SNX5: variants seen among roughly 807,000 people sequenced by gnomAD.
The protein encoded by SNX5 is sorting nexin 5, also known as sorting nexin-5.
SNX5 carries 31 observed loss-of-function variants against 53.9 expected under a neutral mutation model. The observed-to-expected ratio is 0.58, with a 90% CI of 0.43 to 0.78. The LOEUF (loss-of-function observed/expected upper bound fraction) is 0.78, where lower values mean the gene tolerates loss of function less well. Among genes scored for constraint, SNX5 ranks in the 30% least tolerant of loss-of-function variants. SNX5 has a pLI of 0.00. For missense variants in SNX5, 471 were observed against 478.8 expected, an observed-to-expected ratio of 0.98 and a Z score of 0.15; for synonymous variants, 168 against 171.1, an observed-to-expected ratio of 0.98 and a Z score of 0.14.
At chr20:17,960,831 C>T (rs749512402) in intron 1 of SNX5, among the ~76,000 whole-genome samples, 30 of 150,888 alleles carry the variant, frequency 2.0e-4, no homozygotes, top group Non-Finnish European at 3.5e-4. Flanking sequence ...CTGAGCAAAA[C>T]GGTGAGACCT....
chr20:17,967,760 G>A, intron 1 of SNX5: 1 of 280,452 alleles, frequency 3.6e-6, no homozygotes, highest in Non-Finnish European at 6.6e-6. Flanking sequence ...AGATACACGT[G>A]ACCTAGGGAC....
chr20:17,967,800 T>C (rs932844623), intron 1 of SNX5: 9 of 349,946 alleles, frequency 2.6e-5, no homozygotes, highest in African/African-American at 1.7e-4. Flanking sequence ...GACTTAAAAA[T>C]AGACACCAAG....
At chr20:17,965,708 C>T (rs1319246612) in intron 1 of SNX5, among the ~76,000 whole-genome samples, 1 of 150,798 alleles carries the variant, frequency 6.6e-6, no homozygotes, top group Non-Finnish European at 1.5e-5. Context: ...CCATTTCTAC[C>T]TATGGCCAAA....
At chr20:17,961,258 G>A (rs189946931) in intron 1 of SNX5, 19 of 985,192 alleles carry the variant, frequency 1.9e-5, no homozygotes, top group South Asian at 1.4e-4. Flanking sequence ...TTTCACTTAC[G>A]ACTCTACCAG....
Position 17,968,493 on chromosome 20 carries a change from CGCCGCCT to C in SNX5, c.-75_-69del. ...AAAGAAGAAGCTGGGCCGCCGCCGC[CGCCGCCT>C]GGGCGCCTCTCGGGGGCGGCCACGG... On this transcript the variant is annotated 5_prime_UTR_variant, in exon 1 of 13. Coordinates refer to ENST00000377759, the MANE Select transcript of SNX5 (RefSeq NM_014426.4). The C allele has an allele frequency of 1.6e-6, 2 of 1,275,632 alleles. No homozygotes were observed. Among genetic ancestry groups the C allele is most frequent in the Middle Eastern group, 3.0e-4 (1 of 3,334 alleles). 79.0% of individuals were successfully genotyped at this position (1,275,632 alleles called of 1,614,324 possible).
chr20:17,941,639 A>C lies in SNX5; in HGVS notation c.*718T>G, dbSNP rs1320012387. The C allele has an allele frequency of 6.6e-6, 1 of 152,218 alleles. No homozygotes were observed. Among genetic ancestry groups the C allele is most frequent in the Admixed American group, 6.5e-5 (1 of 15,278 alleles). The allele number at this position is 152,218 out of a possible 1,614,324, so 9.4% of individuals were successfully genotyped here. On this transcript the variant is annotated 3_prime_UTR_variant, in exon 13 of 13. Transcript: ENST00000377759. ...ATTTTATTATATGCTTTATAAAAAA[A>C]CAAACACCCAAAGACATACAACACA...
In SNX5 at chr20:17,950,200, G is replaced by C; in HGVS notation, c.723C>G (p.Ala241=). ...AGGCTGCGGTGTGGATATAGTCATC[G>C]GCAACATCTGCAGAAACAAGGACAA... The part of the protein sequence containing the change: ...DKMTRSHKNV[A]DDYIHTAACL... Residue 241 remains alanine (A), a synonymous_variant, in exon 8 of 13, where the codon GCC becomes GCG. Transcript: ENST00000377759. The C allele has an allele frequency of 6.2e-7, 1 of 1,614,068 alleles. No homozygotes were observed. The highest frequency in any genetic ancestry group is 1.1e-5 in the South Asian group (1 of 91,072).
intron 12 of SNX5, chr20:17,942,821 G>A (rs1443622340): frequency 2.6e-6 from 1 of 382,238 alleles, no homozygotes; most frequent in Non-Finnish European, 4.7e-6. Context: ...ACTTTGGGAG[G>A]CCAAGGCAGG....
intron 1 of SNX5, among the ~76,000 whole-genome samples, chr20:17,963,701 A>G (rs1310342693): frequency 1.3e-5 from 2 of 152,204 alleles, no homozygotes; most frequent in African/African-American, 4.8e-5. Context: ...GTGTTGAAGG[A>G]CATTTACTGC....
intron 11 of SNX5, among the ~76,000 whole-genome samples, chr20:17,945,943 G>A (rs1003459755): frequency 8.5e-5 from 13 of 152,114 alleles, no homozygotes; most frequent in Admixed American, 3.3e-4. Flanking sequence ...GGAAACACGC[G>A]TTAGGGGGTT....
At chr20:17,958,473 C>A (rs2035398974) in intron 1 of SNX5, among the ~76,000 whole-genome samples, 1 of 152,178 alleles carries the variant, frequency 6.6e-6, no homozygotes, top group South Asian at 2.1e-4. Flanking sequence ...ATTTATAATT[C>A]TGAAAGCCAG....
intron 1 of SNX5, 114 bp downstream of exon 1, chr20:17,968,261 C>T: frequency 2.2e-6 from 2 of 913,668 alleles, no homozygotes; most frequent in Non-Finnish European, 2.9e-6. Flanking sequence ...GTGCTTCCCG[C>T]GCTGGGGATG....
At chr20:17,965,887 G>T (rs921685272) in intron 1 of SNX5, among the ~76,000 whole-genome samples, 3 of 152,086 alleles carry the variant, frequency 2.0e-5, no homozygotes, top group Admixed American at 6.5e-5. Context: ...CACAAAGTTT[G>T]TAAGTTTGGA....
At chr20:17,963,266 G>A (rs1286117054) in intron 1 of SNX5, among the ~76,000 whole-genome samples, 4 of 152,018 alleles carry the variant, frequency 2.6e-5, no homozygotes, top group South Asian at 2.1e-4. Flanking sequence ...GATCGCCCGC[G>A]GCCAGGAGTT....
rs1873653572 is a variant in SNX5, at chr20:17,956,921, C to A, written c.156+12G>T. 1 of 1,345,534 alleles carries A rather than the reference C, an allele frequency of 7.4e-7. No homozygotes were observed. The highest frequency in any genetic ancestry group is 1.7e-5 in the Admixed American group (1 of 59,674). The allele number at this position is 1,345,534 out of a possible 1,614,324, so 83.3% of individuals were successfully genotyped here. The stretch of plus-strand genomic sequence containing the variant: ...CCTAGCACTGTATGTATTACCACTG[C>A]ATGTTACTTACCTTTGTGTGCACTG... On this transcript the variant is annotated intron_variant, in intron 2 of 12. Transcript: ENST00000377759.
At position 17,968,746 on chromosome 20, in the gene SNX5, C is replaced by T. The variant is rs1397920339; in HGVS notation, c.-321G>A. On this transcript the variant is annotated 5_prime_UTR_variant, in exon 1 of 13. In the 5' UTR this introduces an upstream ATG that the reference lacks. Transcript: ENST00000377759. ...GGCCGCCAACCGCAGGGCCGCGACA[C>T]GGACGGGAAGCAACGGACACTCTCC... The T allele has an allele frequency of 2.6e-6, 1 of 391,778 alleles. No homozygotes were observed. Among genetic ancestry groups the T allele is most frequent in the South Asian group, 3.2e-5 (1 of 31,338 alleles). The allele number at this position is 391,778 out of a possible 1,614,324, so 24.3% of individuals were successfully genotyped here. A position where few individuals can be genotyped will look rare whatever the true frequency, so the allele number is the denominator to read the frequency against.
At chr20:17,953,387 T>C (rs1212230538) in intron 4 of SNX5, among the ~76,000 whole-genome samples, 2 of 152,146 alleles carry the variant, frequency 1.3e-5, no homozygotes, top group African/African-American at 4.8e-5. Flanking sequence ...TTTGAAAAAA[T>C]TAAATGACAA....
chr20:17,956,672 CCAAAAAAAA>C (rs1192720317), intron 2 of SNX5, among the ~76,000 whole-genome samples: 743 of 45,778 alleles, frequency 0.016, 7 homozygotes, highest in African/African-American at 0.072. Context: ...GAGACTGTCT[CCAAAAAAAA>C]AAAAAAAAAA....
chr20:17,949,229 A>G (rs1361359646), intron 8 of SNX5, 126 bp from the exon 9 acceptor site: 1 of 753,286 alleles, frequency 1.3e-6, no homozygotes, highest in African/African-American at 1.8e-5. Context: ...GCATTAATTT[A>G]AAAGTAGTGC....
Sources: gnomAD v4.1 joint callset for allele counts (sites outside exome capture counted in the v4.1 genomes callset) on GRCh38, gnomAD v4.1.1 for gene constraint, MANE v1.5 for transcripts, NCBI Gene and HGNC (gene_info 2026-07-23, HGNC 2026-07-21) for gene names.